LRRC43: variants seen among roughly 807,000 people sequenced by gnomAD.
LRRC43 encodes leucine rich repeat containing 43.
A neutral mutation model predicts 64.3 loss-of-function variants in LRRC43; 62 were observed. The ratio of observed to expected loss-of-function variants is 0.96; its 90% CI spans 0.79 to 1.19. The LOEUF is 1.19. LRRC43 is among the 50% of genes most tolerant of loss of function. The pLI is 0.00. For missense variants in LRRC43, 868 were observed against 845.0 expected (o/e 1.03, Z -0.34); for synonymous variants, 422 against 382.3 (o/e 1.10, Z -1.21).
In LRRC43 at chr12:122,177,947, C is replaced by G. The variant is rs375198510; in HGVS notation, c.-405-6572C>G. 2.3e-4 allele frequency among the ~76,000 whole-genome samples: 35 copies of G among 151,848 alleles called. No homozygotes were observed. The East Asian group carries it at 6.8e-3, about 29-fold the overall frequency. On this transcript the variant is annotated intron_variant, in intron 1 of 5. Coordinates refer to the LRRC43 transcript ENST00000537729. ...CTGCCTCCTGGGTTCAAGAGATTCT[C>G]CTGTCTCAGCCTCCCAAGTAACTGG... is the stretch of plus-strand genomic sequence containing the variant.
In LRRC43 at chr12:122,183,192, G is replaced by GA. The variant is rs1953600125; in HGVS notation, c.48_49insA (p.Pro17ThrfsTer36). ...AGTCCGAGTCCGAGTCTGAGGCCGG[G>GA]CCTGGGACTCAGCGGCCCGGGACCG... On this transcript the variant is annotated frameshift_variant, in exon 1 of 12. Transcript: ENST00000339777. LOFTEE classifies it high-confidence loss of function. 3 of 1,561,060 alleles carry GA rather than the reference G, an allele frequency of 1.9e-6. No individual in the cohort carries two copies. Among genetic ancestry groups the GA allele is most frequent in the Non-Finnish European group, 2.6e-6 (3 of 1,161,432 alleles).
rs1213597102 is a variant in LRRC43 at position 122,184,671 on chromosome 12, G to C, written c.303G>C (p.Ser101=). Residue 101 remains serine, a synonymous_variant, in exon 2 of 12, where the codon TCG becomes TCC. Transcript: ENST00000339777. The surrounding 1 kb of genome is among the most constrained non-coding windows in gnomAD (Gnocchi z 4.0). ...CCCCCTGGGCTCTGCTGAACAACTCGAATGCAGAAGACAGTTTCCTGAGAG... is the reference window on the plus strand; with the variant it reads ...CCCCCTGGGCTCTGCTGAACAACTCCAATGCAGAAGACAGTTTCCTGAGAG... ...RHSPWALLNN[S]NAEDSFLREL... The C allele has an allele frequency of 6.2e-7, 1 of 1,613,860 alleles. No individual in the cohort carries two copies. Among genetic ancestry groups the C allele is most frequent in the African/African-American group, 1.3e-5 (1 of 74,910 alleles).
chr12:122,192,540 G>C (rs778361250), intron 6 of LRRC43, among the ~76,000 whole-genome samples: 4 of 152,186 alleles, frequency 2.6e-5, no homozygotes, highest in Non-Finnish European at 5.9e-5. Flanking sequence ...CCACATAGAA[G>C]TGGTTCTTGC....
rs199909089 is a variant in LRRC43 at position 122,184,634 on chromosome 12, G to T, written c.266G>T (p.Arg89Leu). 1.9e-6 allele frequency: 3 copies of T among 1,613,680 alleles called. No homozygotes were observed. The highest frequency in any genetic ancestry group is 2.2e-5 in the East Asian group (1 of 44,890). The change falls in exon 2 of 12, where the codon CGC becomes CTC. Residue 89 changes from arginine (R) to leucine (L), a missense_variant. Transcript: ENST00000339777. This position sits in a 1 kb window ranked among gnomAD's most constrained non-coding sequence, Gnocchi z 4.0. ...GTGGAGGCCCTGCTGGGCCTGGTCCGCAGCCGCCACTCCCCCTGGGCTCTG... is the reference window on the plus strand; with the variant it reads ...GTGGAGGCCCTGCTGGGCCTGGTCCTCAGCCGCCACTCCCCCTGGGCTCTG... ...ETVEALLGLVRSRHSPWALLN... is the reference protein window; with the variant it reads ...ETVEALLGLVLSRHSPWALLN...
At chr12:122,174,165 G>A in intron 1 of LRRC43, 1 of 1,614,158 alleles carries the variant, frequency 6.2e-7, no homozygotes, top group Non-Finnish European at 8.5e-7. Context: ...ACCTGAGTGA[G>A]AGGCCATGGC....
upstream of LRRC43, among the ~76,000 whole-genome samples, chr12:122,180,933 G>A (rs999762429): frequency 6.6e-6 from 1 of 151,986 alleles, no homozygotes; most frequent in African/African-American, 2.4e-5. Context: ...TATTCTTTGA[G>A]AGCCAGGCAT....
chr12:122,178,596 T>C (rs1387674343), upstream of LRRC43, among the ~76,000 whole-genome samples: 381 of 139,768 alleles, frequency 2.7e-3, 2 homozygotes, highest in African/African-American at 9.6e-3. Context: ...TTTTTTTTTT[T>C]TTTTTTTTTT....
At position 122,192,897 on chromosome 12, in the gene LRRC43, G is replaced by A. The variant is rs1368413222; in HGVS notation, c.1242G>A (p.Leu414=). The part of the protein sequence containing the change: ...SEVEESGESE[L]SVISGPSTIL... ...TGGAGGAGTCAGGAGAGTCGGAGCTGTCTGTCATCTCGGGGCCTTCGACCA... is the reference window on the plus strand; with the variant it reads ...TGGAGGAGTCAGGAGAGTCGGAGCTATCTGTCATCTCGGGGCCTTCGACCA... The change falls in exon 7 of 12, where the codon CTG becomes CTA. Residue 414 remains leucine, a synonymous_variant. Coordinates refer to ENST00000339777, the MANE Select transcript of LRRC43 (RefSeq NM_001098519.2). 9 of 1,614,056 alleles carry A rather than the reference G, an allele frequency of 5.6e-6. No homozygotes were observed. Among genetic ancestry groups the A allele is most frequent in the African/African-American group, 1.3e-5 (1 of 74,910 alleles).
At chr12:122,178,611 A>C (rs1234550533), upstream of LRRC43, among the ~76,000 whole-genome samples, 1 of 70,462 alleles carries the variant, frequency 1.4e-5, no homozygotes, top group Non-Finnish European at 2.7e-5. Context: ...TTTTTTTTTG[A>C]GACATTGTCT....
At chr12:122,176,085 A>G (rs1395845250) in intron 1 of LRRC43, among the ~76,000 whole-genome samples, 6 of 152,244 alleles carry the variant, frequency 3.9e-5, no homozygotes, top group African/African-American at 1.4e-4. Flanking sequence ...GGCTGCGGAC[A>G]ATAGCAACAA....
At chr12:122,187,462 A>G in intron 3 of LRRC43, 1 of 465,540 alleles carries the variant, frequency 2.1e-6, no homozygotes, top group South Asian at 3.0e-5. Flanking sequence ...CCAATCCAGC[A>G]TCACCCCCCA....
intron 7 of LRRC43, among the ~76,000 whole-genome samples, chr12:122,199,985 C>A (rs766486683): frequency 1.1e-4 from 16 of 152,206 alleles, no homozygotes; most frequent in Admixed American, 2.0e-4. Context: ...ACTTGCCTTT[C>A]TTTTGCTGTC....
In LRRC43 at chr12:122,169,641, G is replaced by A. The variant is rs954405868; in HGVS notation, c.-406+1859G>A. ...TGAGGCAGTGGAATGGCGTGAACCC[G>A]GGAGGCAGAGGTTGCAGTGAGCCGA... On this transcript the variant is annotated intron_variant, in intron 1 of 5. Coordinates refer to the LRRC43 transcript ENST00000537729. 2.2e-4 allele frequency among the ~76,000 whole-genome samples: 33 copies of A among 150,734 alleles called. No homozygotes were observed. The East Asian group carries it at 4.5e-3, about 21-fold the overall frequency.
chr12:122,187,706 G>C lies in LRRC43; in HGVS notation c.528G>C (p.Leu176=). 2 of 1,613,474 alleles carry C rather than the reference G, an allele frequency of 1.2e-6. No individual in the cohort carries two copies. The highest frequency in any genetic ancestry group is 1.7e-6 in the Non-Finnish European group (2 of 1,180,010). Residue 176 remains leucine (L), a synonymous_variant, in exon 4 of 12, where the codon CTG becomes CTC. Coordinates refer to ENST00000339777, the MANE Select transcript of LRRC43 (RefSeq NM_001098519.2). ...ATNLPPTLKV[L]ELYGNEISSM... ...CCTTCCGTGTGGTCTCCCAGGTGCT[G>C]GAGCTCTACGGCAATGAGATCAGCA... is the stretch of plus-strand genomic sequence containing the variant.
upstream of LRRC43, among the ~76,000 whole-genome samples, chr12:122,180,973 T>G (rs901683363): frequency 6.6e-6 from 1 of 152,020 alleles, no homozygotes; most frequent in Non-Finnish European, 1.5e-5. Flanking sequence ...CTCAGCACTT[T>G]GGGAGGCTGA....
At chr12:122,172,356 C>G in intron 1 of LRRC43, 8 of 1,254,370 alleles carry the variant, frequency 6.4e-6, no homozygotes, top group Non-Finnish European at 9.1e-6. Context: ...ACTTAGCTGT[C>G]GGTCATCTTT....
Position 122,199,278 on chromosome 12 carries a change from C to CTTTT in LRRC43, c.1350-892_1350-889dup, listed in dbSNP as rs1165454881. 4.2e-4 allele frequency among the ~76,000 whole-genome samples: 36 copies of CTTTT among 86,156 alleles called. 1 individual carries two copies. The highest frequency in any genetic ancestry group is 6.1e-4 in the African/African-American group (11 of 18,032). 56.5% of individuals were successfully genotyped at this position (86,156 alleles called of 152,430 possible). ...TGGGGCTAGGCTAGAATTGTTTCAG[C>CTTTT]TTTTTTTTTTTTTTTTTTTTTTGAG... is the stretch of plus-strand genomic sequence containing the variant. On this transcript the variant is annotated intron_variant, in intron 7 of 11. Coordinates refer to ENST00000339777, the MANE Select transcript of LRRC43 (RefSeq NM_001098519.2).
At chr12:122,187,931 G>T (rs1364027009) in intron 4 of LRRC43, 91 bp downstream of exon 4, 25 of 1,358,320 alleles carry the variant, frequency 1.8e-5, no homozygotes, top group Non-Finnish European at 2.4e-5. Flanking sequence ...ACTCAGCTTT[G>T]GTCTTTTTTG....
Position 122,191,547 on chromosome 12 carries a change from T to C in LRRC43, c.1069T>C (p.Ser357Pro). The change falls in exon 6 of 12, where the codon TCC becomes CCC. Residue 357 changes from serine to proline, a missense_variant. Physicochemically the swap from Ser to Pro is moderately conservative, Grantham distance 74. Transcript: ENST00000339777. Reference protein sequence around the residue: ...VKDEEGEMNESAGVLAEIVKP... With the variant: ...VKDEEGEMNEPAGVLAEIVKP... ...AGATGAAGAAGGCGAAATGAATGAG[T>C]CCGCGGGCGTCCTGGCCGAGGTGTG... The C allele has an allele frequency of 1.2e-6, 2 of 1,613,902 alleles. No homozygotes were observed. Among genetic ancestry groups the C allele is most frequent in the Non-Finnish European group, 1.7e-6 (2 of 1,179,936 alleles).
Sources: gnomAD v4.1 joint callset for allele counts (sites outside exome capture counted in the v4.1 genomes callset) on GRCh38, gnomAD v4.1.1 for gene constraint, Gnocchi (gnomAD v3.1) non-coding constraint, MANE v1.5 for transcripts, NCBI Gene and HGNC (gene_info 2026-07-23, HGNC 2026-07-21) for gene names.